USP6NL: variants seen among roughly 807,000 people sequenced by gnomAD.
USP6NL encodes USP6 N-terminal-like protein.
A neutral mutation model predicts 61.9 loss-of-function variants in USP6NL; 26 were observed. The observed-to-expected ratio is 0.42, with a 90% CI of 0.31 to 0.58. The LOEUF (loss-of-function observed/expected upper bound fraction) is 0.58, where lower values mean the gene tolerates loss of function less well. Ranked by LOEUF, USP6NL falls within the 20% of genes least tolerant of loss-of-function variation. The pLI is 0.16. For missense variants in USP6NL, 1,114 were observed against 1,034.3 expected (o/e 1.08, Z -1.06); for synonymous variants, 432 against 390.1 (o/e 1.11, Z -1.27).
rs1307211654 is a variant in USP6NL at position 11,595,365 on chromosome 10, T to G, written c.4+2266A>C. 6.6e-6 allele frequency among the ~76,000 whole-genome samples: 1 copy of G among 152,134 alleles called. No homozygotes were observed. The highest frequency in any genetic ancestry group is 1.5e-5 in the Non-Finnish European group (1 of 68,028). ...TAAAAGTTTTCCCTAGGAATCAGGG[T>G]CAAGAGCCAGGCTCTGTGCCTAAAG... On this transcript the variant is annotated intron_variant, in intron 2 of 14. Coordinates refer to ENST00000609104, the MANE Select transcript of USP6NL (RefSeq NM_014688.5). The surrounding 1 kb of genome is among the most constrained non-coding windows in gnomAD (Gnocchi z 5.3).
intron 6 of USP6NL, among the ~76,000 whole-genome samples, chr10:11,503,245 C>A (rs1409581835): frequency 6.6e-6 from 1 of 152,138 alleles, no homozygotes; most frequent in African/African-American, 2.4e-5. Context: ...TGGACCCGAA[C>A]AAGTAAAATA....
intron 6 of USP6NL, among the ~76,000 whole-genome samples, chr10:11,503,000 G>GA (rs1376917870): frequency 1.3e-5 from 2 of 152,094 alleles, no homozygotes; most frequent in Non-Finnish European, 2.9e-5. Context: ...AAAAACAAGT[G>GA]AATTTAAGAC....
intron 7 of USP6NL, among the ~76,000 whole-genome samples, chr10:11,494,252 T>G (rs1347329887): frequency 1.3e-5 from 2 of 152,208 alleles, no homozygotes; most frequent in Admixed American, 1.3e-4. Flanking sequence ...TCTAGAAGCT[T>G]GTAGGAGTTT....
rs1183335521 is a variant in USP6NL, at chr10:11,585,101, A to G, written c.4+12530T>C. ...TGGGAGAAAAGACTGTTTTAGAATGATATGATGCAAGAGAAAATGTAAACA... is the reference window on the plus strand; with the variant it reads ...TGGGAGAAAAGACTGTTTTAGAATGGTATGATGCAAGAGAAAATGTAAACA... On this transcript the variant is annotated intron_variant, in intron 2 of 14. Transcript: ENST00000609104. This position sits in a 1 kb window ranked among gnomAD's most constrained non-coding sequence, Gnocchi z 4.5. Among the ~76,000 whole-genome samples the G allele has an allele frequency of 6.6e-6, 1 of 152,210 alleles. No homozygotes were observed. The highest frequency in any genetic ancestry group is 1.5e-5 in the Non-Finnish European group (1 of 68,032).
In USP6NL at chr10:11,474,519, A is replaced by ATT. The variant is rs1832885814; in HGVS notation, c.1078+7249_1078+7250dup. On this transcript the variant is annotated intron_variant, in intron 14 of 14. Transcript: ENST00000609104. The surrounding 1 kb of genome is among the most constrained non-coding windows in gnomAD (Gnocchi z 4.9). ...TTTATGTTTATAAGTGGAACCAAAC[A>ATT]TTAAAGTTCCATTAGACGAGAATGT... Among the ~76,000 whole-genome samples the ATT allele has an allele frequency of 6.6e-6, 1 of 152,216 alleles. No individual in the cohort carries two copies. Among genetic ancestry groups the ATT allele is most frequent in the Admixed American group, 6.5e-5 (1 of 15,282 alleles).
Position 11,561,791 on chromosome 10 carries a change from G to C in USP6NL, c.5-34224C>G, listed in dbSNP as rs73569197. Reference sequence around the variant, plus strand: ...AAACACAACTTTTAATTTTGATAAAGAATACCAATTTGTTCTCTTACCAAC... The same window carrying C: ...AAACACAACTTTTAATTTTGATAAACAATACCAATTTGTTCTCTTACCAAC... On this transcript the variant is annotated intron_variant, in intron 2 of 14. Coordinates refer to ENST00000609104, the MANE Select transcript of USP6NL (RefSeq NM_014688.5). The surrounding 1 kb of genome is among the most constrained non-coding windows in gnomAD (Gnocchi z 4.1). Among the ~76,000 whole-genome samples, 15,597 of 152,134 alleles carry C rather than the reference G, an allele frequency of 0.1. 1,268 individuals carry two copies. The highest frequency in any genetic ancestry group is 0.43 in the East Asian group (2,212 of 5,174).
At chr10:11,555,451 T>TATAGAGAGAGAGAGAG (rs1427219382) in intron 2 of USP6NL, among the ~76,000 whole-genome samples, 1 of 61,004 alleles carries the variant, frequency 1.6e-5, no homozygotes, top group East Asian at 9.7e-4. Context: ...TATATATATA[T>TATAGAGAGAGAGAGAG]AGAGAGAGAG....
rs138675403 is a variant in USP6NL at position 11,481,739 on chromosome 10, C to T, written c.1078+31G>A. On this transcript the variant is annotated intron_variant, in intron 14 of 14. Transcript: ENST00000609104. This position sits in a 1 kb window ranked among gnomAD's most constrained non-coding sequence, Gnocchi z 4.4. ...CCATGTCTTCCAATCTTAATTATAA[C>T]GTAGATATAAAGTATTGGGGTAATT... is the stretch of plus-strand genomic sequence containing the variant. The T allele has an allele frequency of 0.011, 16,882 of 1,565,184 alleles. 160 individuals carry two copies. Among genetic ancestry groups the T allele is most frequent in the South Asian group, 0.035 (2,809 of 80,736 alleles).
Position 11,541,230 on chromosome 10 carries a change from CATATATATATATATATAT to C in USP6NL, c.5-13681_5-13664del, listed in dbSNP as rs71378797. 5.0e-3 allele frequency among the ~76,000 whole-genome samples: 215 copies of C among 43,210 alleles called. 3 individuals carry two copies. In the South Asian group the frequency reaches 0.072, roughly 15 times the overall value. 28.3% of individuals were successfully genotyped at this position (43,210 alleles called of 152,430 possible). A position where few individuals can be genotyped will look rare whatever the true frequency, so the allele number is the denominator to read the frequency against. On this transcript the variant is annotated intron_variant, in intron 2 of 14. Coordinates refer to ENST00000609104, the MANE Select transcript of USP6NL (RefSeq NM_014688.5). ...TTTATATAACAAACATCAATAGTGC[CATATATATATATATATAT>C]ATATATATATATATATATATATATA...
intron 14 of USP6NL, among the ~76,000 whole-genome samples, chr10:11,467,961 A>G (rs1389187000): frequency 1.3e-5 from 2 of 152,228 alleles, no homozygotes; most frequent in Admixed American, 6.5e-5. Context: ...CTTATCCAAA[A>G]AAGTATTTTA....
In USP6NL at chr10:11,482,282, T is replaced by C. The variant is rs1405282245; in HGVS notation, c.926-360A>G. Among the ~76,000 whole-genome samples the C allele has an allele frequency of 6.6e-6, 1 of 152,266 alleles. No homozygotes were observed. Among genetic ancestry groups the C allele is most frequent in the Non-Finnish European group, 1.5e-5 (1 of 68,038 alleles). On this transcript the variant is annotated intron_variant, in intron 13 of 14. Coordinates refer to ENST00000609104, the MANE Select transcript of USP6NL (RefSeq NM_014688.5). This position sits in a 1 kb window ranked among gnomAD's most constrained non-coding sequence, Gnocchi z 4.0. ...GCCGGCATGAGGCCTTTCTCTTTTA[T>C]TGATACGGAGCTCCAAGAAGCCCCA...
At position 11,471,197 on chromosome 10, in the gene USP6NL, C is replaced by CA. The variant is rs767227144; in HGVS notation, c.1079-7349dup. Among the ~76,000 whole-genome samples the CA allele has an allele frequency of 1.2e-3, 184 of 149,922 alleles. 1 individual carries two copies. Among genetic ancestry groups the CA allele is most frequent in the Non-Finnish European group, 2.0e-3 (138 of 67,332 alleles). ...GACTCTTGTCTCAAAAACAAACAAA[C>CA]AAACAAAAAAAACACCACCAACAAC... On this transcript the variant is annotated intron_variant, in intron 14 of 14. Coordinates refer to ENST00000609104, the MANE Select transcript of USP6NL (RefSeq NM_014688.5).
intron 5 of USP6NL, among the ~76,000 whole-genome samples, chr10:11,514,405 T>A (rs543262900): frequency 4.6e-5 from 7 of 152,156 alleles, no homozygotes; most frequent in African/African-American, 1.7e-4. Context: ...CTTTGGACTT[T>A]AAAAAGTTTT....
rs973558482 is a variant in USP6NL, at chr10:11,468,071, T to C, written c.1079-4222A>G. Among the ~76,000 whole-genome samples, 32 of 152,374 alleles carry C rather than the reference T, an allele frequency of 2.1e-4. No individual in the cohort carries two copies. The highest frequency in any genetic ancestry group is 3.4e-3 in the Middle Eastern group (1 of 294). On this transcript the variant is annotated intron_variant, in intron 14 of 14. Transcript: ENST00000609104. The surrounding 1 kb of genome is among the most constrained non-coding windows in gnomAD (Gnocchi z 4.5). ...AAAGTCAGATTAATCAAGTATGGCA[T>C]CGCTTGATGGAGTCATGATGAGTGA...
At chr10:11,498,517 C>T (rs1039880569) in intron 7 of USP6NL, among the ~76,000 whole-genome samples, 2 of 152,006 alleles carry the variant, frequency 1.3e-5, no homozygotes, top group African/African-American at 2.4e-5. Flanking sequence ...TCGCTAAGCT[C>T]AGTTTCCTCA....
chr10:11,573,962 T>C (rs563375915), intron 2 of USP6NL: 50 of 286,180 alleles, frequency 1.7e-4, no homozygotes, highest in African/African-American at 1.1e-3. Context: ...CAGCCTTAAC[T>C]AGTTATAAAC....
rs1833022178 is a variant in USP6NL at position 11,477,534 on chromosome 10, G to A, written c.1078+4236C>T. Among the ~76,000 whole-genome samples the A allele has an allele frequency of 3.3e-5, 5 of 152,080 alleles. No homozygotes were observed. The South Asian group carries it at 8.3e-4, about 25-fold the overall frequency. On this transcript the variant is annotated intron_variant, in intron 14 of 14. Transcript: ENST00000609104. Reference sequence around the variant, plus strand: ...GAAACAGTTTCACAAATATATTTTCGAGCTGTTAAGGAATAATTTTAATAC... The same window carrying A: ...GAAACAGTTTCACAAATATATTTTCAAGCTGTTAAGGAATAATTTTAATAC...
intron 1 of USP6NL, among the ~76,000 whole-genome samples, chr10:11,609,875 C>T (rs1327402903): frequency 6.6e-6 from 1 of 152,152 alleles, no homozygotes; most frequent in East Asian, 1.9e-4. Flanking sequence ...AAAGTCAGTC[C>T]CCAGTAGGAG....
At position 11,555,463 on chromosome 10, in the gene USP6NL, GAGAGAGAA is replaced by G. The variant is rs1307031946; in HGVS notation, c.5-27904_5-27897del. ...ATATATATATATATAGAGAGAGAGA[GAGAGAGAA>G]AGAGAGAGAGAGAGAGAGAGAGAAG... is the stretch of plus-strand genomic sequence containing the variant. On this transcript the variant is annotated intron_variant, in intron 2 of 14. Transcript: ENST00000609104. 3.8e-3 allele frequency among the ~76,000 whole-genome samples: 352 copies of G among 91,854 alleles called. 2 individuals are homozygous for G. Among genetic ancestry groups the G allele is most frequent in the South Asian group, 9.4e-3 (22 of 2,348 alleles). 60.3% of individuals were successfully genotyped at this position (91,854 alleles called of 152,430 possible).
Sources: allele counts gnomAD v4.1 joint callset (sites outside exome capture counted in the v4.1 genomes callset), GRCh38; gene constraint gnomAD v4.1.1; non-coding constraint Gnocchi (gnomAD v3.1); transcripts MANE v1.5; gene names NCBI Gene and HGNC (gene_info 2026-07-23, HGNC 2026-07-21).